Variants in PARD3B observed in about 807,000 individuals in gnomAD.
PARD3B encodes par-3 family cell polarity regulator beta.
A neutral mutation model predicts 130.2 loss-of-function variants in PARD3B; 103 were observed. The observed-to-expected ratio is 0.79, with a 90% CI of 0.67 to 0.93. The LOEUF (loss-of-function observed/expected upper bound fraction) is 0.93, where lower values mean the gene tolerates loss of function less well. Among genes scored for constraint, PARD3B ranks in the 40% least tolerant of loss-of-function variants. The pLI, the probability that PARD3B is intolerant of heterozygous loss-of-function variation, is 0.00. For synonymous variants in PARD3B, 583 were observed against 553.2 expected, an observed-to-expected ratio of 1.05 and a Z score of -0.76; for missense variants, 1,609 against 1,499.2, an observed-to-expected ratio of 1.07 and a Z score of -1.21.
intron 2 of PARD3B, among the ~76,000 whole-genome samples, chr2:204,928,042 G>C (rs976136925): frequency 6.6e-5 from 10 of 152,090 alleles, no homozygotes; most frequent in African/African-American, 2.4e-4. Context: ...CATGTTAGCT[G>C]AGCAGTTCTG....
intron 2 of PARD3B, among the ~76,000 whole-genome samples, chr2:204,960,552 A>T (rs1356983189): frequency 6.7e-6 from 1 of 148,730 alleles, no homozygotes; most frequent in Non-Finnish European, 1.5e-5. Context: ...ACATTCATTT[A>T]ATTTTTTAAA....
chr2:205,217,888 A>T lies in PARD3B; in HGVS notation c.2140+24568A>T, dbSNP rs1559553074. Among the ~76,000 whole-genome samples the T allele has an allele frequency of 8.3e-4, 62 of 75,036 alleles. 2 individuals carry two copies. Among genetic ancestry groups the T allele is most frequent in the Middle Eastern group, 0.01 (1 of 100 alleles). The allele number at this position is 75,036 out of a possible 152,430, so 49.2% of individuals were successfully genotyped here. ...TGTGTGTATATATATATATATATATATATATATTTTTTTTTTTATTTTTTT... is the reference window on the plus strand; with the variant it reads ...TGTGTGTATATATATATATATATATTTATATATTTTTTTTTTTATTTTTTT... On this transcript the variant is annotated intron_variant, in intron 15 of 22. Coordinates refer to ENST00000406610, the MANE Select transcript of PARD3B (RefSeq NM_001302769.2).
intron 2 of PARD3B, among the ~76,000 whole-genome samples, chr2:204,922,681 A>G (rs1226719879): frequency 1.5e-5 from 2 of 131,746 alleles, no homozygotes; most frequent in African/African-American, 5.9e-5. Flanking sequence ...AAAAAAATAC[A>G]GTTTTTTTTT....
In PARD3B at chr2:205,302,575, T is replaced by C. The variant is rs115594943; in HGVS notation, c.2630+874T>C. Among the ~76,000 whole-genome samples the C allele has an allele frequency of 7.5e-3, 1,136 of 152,304 alleles. 20 individuals carry two copies. The highest frequency in any genetic ancestry group is 0.026 in the African/African-American group (1,065 of 41,568). On this transcript the variant is annotated intron_variant, in intron 18 of 22. Transcript: ENST00000406610. ...GTGTTATGAAAATAAATACTTCCTC[T>C]GACACCACAGGGAAAGTGGGAAGTG...
chr2:204,913,859 C>T (rs2047340947), intron 2 of PARD3B, among the ~76,000 whole-genome samples: 1 of 152,192 alleles, frequency 6.6e-6, no homozygotes, highest in Non-Finnish European at 1.5e-5. Flanking sequence ...TTAGACCTGT[C>T]TACTTAACGG....
At chr2:205,035,108 C>A (rs924402425) in intron 3 of PARD3B, among the ~76,000 whole-genome samples, 1 of 152,106 alleles carries the variant, frequency 6.6e-6, no homozygotes, top group South Asian at 2.1e-4. Flanking sequence ...GGTGATCCCC[C>A]CCCCTCAGCC....
Position 205,561,007 on chromosome 2 carries a change from G to A in PARD3B, c.3260+7604G>A, listed in dbSNP as rs372137552. Among the ~76,000 whole-genome samples the A allele has an allele frequency of 2.0e-4, 30 of 152,222 alleles. 1 individual carries two copies. Among genetic ancestry groups the A allele is most frequent in the African/African-American group, 7.0e-4 (29 of 41,516 alleles). On this transcript the variant is annotated intron_variant, in intron 22 of 22. Coordinates refer to ENST00000406610, the MANE Select transcript of PARD3B (RefSeq NM_001302769.2). ...TCATTTTATTGGTCTCAGTCTTCTCGTCTACTTATGCCCATCAGGAAGAGT... is the reference window on the plus strand; with the variant it reads ...TCATTTTATTGGTCTCAGTCTTCTCATCTACTTATGCCCATCAGGAAGAGT...
In PARD3B at chr2:205,230,503, G is replaced by A. The variant is rs2038780384; in HGVS notation, c.2141-15275G>A. ...CTACTGTGGTAGAGCTAGGATTCAA[G>A]TTGCAAGATGAAGTCCTCTTAACTC... On this transcript the variant is annotated intron_variant, in intron 15 of 22. Transcript: ENST00000406610. The surrounding 1 kb of genome is among the most constrained non-coding windows in gnomAD (Gnocchi z 4.1). Among the ~76,000 whole-genome samples the A allele has an allele frequency of 6.6e-6, 1 of 152,124 alleles. No homozygotes were observed. The highest frequency in any genetic ancestry group is 2.1e-4 in the South Asian group (1 of 4,826).
intron 1 of PARD3B, among the ~76,000 whole-genome samples, chr2:204,633,631 A>G (rs2034767512): frequency 6.6e-6 from 1 of 152,040 alleles, no homozygotes; most frequent in South Asian, 2.1e-4. Flanking sequence ...GGCCAACATG[A>G]TGAAACCCTG....
intron 22 of PARD3B, among the ~76,000 whole-genome samples, chr2:205,606,848 A>G (rs2055017786): frequency 1.3e-5 from 2 of 152,180 alleles, no homozygotes; most frequent in Admixed American, 1.3e-4. Flanking sequence ...ACAAACCCCC[A>G]TAGCCACAGG....
chr2:204,713,783 C>T (rs1386921959), intron 2 of PARD3B, among the ~76,000 whole-genome samples: 3 of 152,006 alleles, frequency 2.0e-5, no homozygotes, highest in Non-Finnish European at 4.4e-5. Flanking sequence ...TCTATATATA[C>T]ACATTTTGTC....
chr2:204,951,032 GA>G (rs1295119443), intron 2 of PARD3B, among the ~76,000 whole-genome samples: 1 of 152,136 alleles, frequency 6.6e-6, no homozygotes, highest in Non-Finnish European at 1.5e-5. Flanking sequence ...CTGGGCAATT[GA>G]GGGAAGAAGT....
intron 3 of PARD3B, among the ~76,000 whole-genome samples, chr2:205,017,686 A>G (rs1575564319): frequency 2.0e-5 from 3 of 152,052 alleles, no homozygotes; most frequent in South Asian, 2.1e-4. Flanking sequence ...ACCCATGTCA[A>G]TGACTTGCTT....
chr2:204,756,229 T>A lies in PARD3B; in HGVS notation c.222+69947T>A, dbSNP rs533208754. ...GAAATATGGAATAAAAACATCTTTT[T>A]ATGGACAGTAGATTGACTCTTTTTT... On this transcript the variant is annotated intron_variant, in intron 2 of 22. Coordinates refer to ENST00000406610, the MANE Select transcript of PARD3B (RefSeq NM_001302769.2). Among the ~76,000 whole-genome samples the A allele has an allele frequency of 4.6e-4, 70 of 152,246 alleles. 1 individual carries two copies. Among genetic ancestry groups the A allele is most frequent in the African/African-American group, 1.6e-3 (65 of 41,576 alleles).
intron 1 of PARD3B, among the ~76,000 whole-genome samples, chr2:204,557,202 A>G (rs1357484192): frequency 6.6e-6 from 1 of 152,030 alleles, no homozygotes; most frequent in Non-Finnish European, 1.5e-5. Flanking sequence ...TCTAGCCCTG[A>G]ACTTGCTCCA....
intron 1 of PARD3B, among the ~76,000 whole-genome samples, chr2:204,640,677 C>T (rs1438217342): frequency 6.6e-6 from 1 of 152,134 alleles, no homozygotes. Flanking sequence ...CCTTCAGTAA[C>T]CCAGATGGAG....
intron 2 of PARD3B, among the ~76,000 whole-genome samples, chr2:204,938,458 T>C (rs1688636175): frequency 6.6e-6 from 1 of 152,226 alleles, no homozygotes; most frequent in Non-Finnish European, 1.5e-5. Context: ...GCTCTCAGCT[T>C]AAATATCACC....
At chr2:205,374,432 G>A (rs1018043423) in intron 18 of PARD3B, among the ~76,000 whole-genome samples, 3 of 151,794 alleles carry the variant, frequency 2.0e-5, no homozygotes, top group Non-Finnish European at 2.9e-5. Flanking sequence ...AAACGGTTTC[G>A]CCATGTTGGC....
chr2:204,960,559 TA>T (rs147197224), intron 2 of PARD3B, among the ~76,000 whole-genome samples: 20,093 of 152,146 alleles, frequency 0.13, 1,386 homozygotes, highest in African/African-American at 0.17. Flanking sequence ...TTTAATTTTT[TA>T]AAAAAATATT....
Sources: gnomAD v4.1 joint callset for allele counts (sites outside exome capture counted in the v4.1 genomes callset) on GRCh38, gnomAD v4.1.1 for gene constraint, Gnocchi (gnomAD v3.1) non-coding constraint, MANE v1.5 for transcripts, NCBI Gene and HGNC (gene_info 2026-07-23, HGNC 2026-07-21) for gene names.